AGBL4: variants seen among roughly 807,000 people sequenced by gnomAD.
AGBL4 encodes the protein AGBL carboxypeptidase 4, also known as cytosolic carboxypeptidase 6.
AGBL4 carries 58 observed loss-of-function variants against 66.4 expected under a neutral mutation model. That is an observed-to-expected ratio of 0.87 (90% CI 0.71 to 1.09). The LOEUF (loss-of-function observed/expected upper bound fraction) is 1.09, where lower values mean the gene tolerates loss of function less well. AGBL4 is among the 50% of genes least tolerant of loss of function. The pLI is 0.00. For synonymous variants in AGBL4, 234 were observed against 222.9 expected (o/e 1.05, Z -0.44); for missense variants, 579 against 631.0 (o/e 0.92, Z 0.88).
At chr1:48,705,879 C>T (rs1483760134) in intron 6 of AGBL4, among the ~76,000 whole-genome samples, 3 of 151,922 alleles carry the variant, frequency 2.0e-5, no homozygotes, top group Non-Finnish European at 4.4e-5. Flanking sequence ...CCTATTGCAC[C>T]CAACAAAACA....
intron 4 of AGBL4, among the ~76,000 whole-genome samples, chr1:49,058,893 C>T (rs1419656896): frequency 3.9e-5 from 6 of 152,150 alleles, no homozygotes; most frequent in Non-Finnish European, 8.8e-5. Context: ...GAATTTTGAA[C>T]TTGAGAGAGA....
At chr1:48,809,759 TA>T (rs1370744757) in intron 6 of AGBL4, among the ~76,000 whole-genome samples, 2 of 152,194 alleles carry the variant, frequency 1.3e-5, no homozygotes, top group Non-Finnish European at 2.9e-5. Flanking sequence ...GGGTCTGAGG[TA>T]ATTTCCAAAG....
chr1:49,107,690 TGTGTGAGA>T (rs762080953), intron 4 of AGBL4, among the ~76,000 whole-genome samples: 248 of 107,144 alleles, frequency 2.3e-3, no homozygotes, highest in African/African-American at 6.1e-3. Context: ...TGTGTGTGTG[TGTGTGAGA>T]GAGAGAGAGA....
chr1:49,383,694 T>C (rs1022985565), intron 3 of AGBL4, among the ~76,000 whole-genome samples: 7 of 152,070 alleles, frequency 4.6e-5, no homozygotes, highest in African/African-American at 1.7e-4. Flanking sequence ...ATAAAACTCC[T>C]AGAAAACATA....
At chr1:48,959,844 A>G (rs1347657217) in intron 5 of AGBL4, among the ~76,000 whole-genome samples, 1 of 152,194 alleles carries the variant, frequency 6.6e-6, no homozygotes, top group African/African-American at 2.4e-5. Context: ...GAATAGATCA[A>G]TGAGGTAGGA....
At chr1:48,832,712 T>C (rs575839278) in intron 6 of AGBL4, among the ~76,000 whole-genome samples, 4 of 152,304 alleles carry the variant, frequency 2.6e-5, no homozygotes, top group South Asian at 2.1e-4. Context: ...ATTCAATTAA[T>C]AGACTAAGTA....
intron 4 of AGBL4, among the ~76,000 whole-genome samples, chr1:49,173,749 A>C (rs1569934850): frequency 6.6e-6 from 1 of 152,192 alleles, no homozygotes; most frequent in East Asian, 1.9e-4. Context: ...CAGAGACTTC[A>C]GTGAAGTGGG....
chr1:48,806,619 T>C (rs1025688419), intron 6 of AGBL4, among the ~76,000 whole-genome samples: 5 of 152,192 alleles, frequency 3.3e-5, no homozygotes, highest in African/African-American at 1.2e-4. Context: ...ATAAGCCTGC[T>C]CTTTCTTTGT....
intron 2 of AGBL4, among the ~76,000 whole-genome samples, chr1:49,714,344 G>A (rs551590595): frequency 1.3e-4 from 19 of 151,630 alleles, no homozygotes; most frequent in South Asian, 8.3e-4. Flanking sequence ...ATTTTCTCTC[G>A]TCCCCCTCCA....
chr1:49,090,611 T>C (rs1404109767), intron 4 of AGBL4, among the ~76,000 whole-genome samples: 2 of 152,098 alleles, frequency 1.3e-5, no homozygotes, highest in East Asian at 3.8e-4. Context: ...AGATAAATAT[T>C]CCATGCTCAT....
In AGBL4 at chr1:48,910,189, A is replaced by T. The variant is rs370493079; in HGVS notation, c.595-42959T>A. Among the ~76,000 whole-genome samples, 14 of 152,352 alleles carry T rather than the reference A, an allele frequency of 9.2e-5. No homozygotes were observed. In the East Asian group the frequency reaches 1.9e-3, roughly 21 times the overall value. ...TAGTTTTCTGGATTCCACACAGATG[A>T]GGCTGACTGAAAGGCAACCCTGACT... On this transcript the variant is annotated intron_variant, in intron 5 of 13. Transcript: ENST00000371839.
chr1:49,860,551 T>C (rs774019684), intron 1 of AGBL4, among the ~76,000 whole-genome samples: 27 of 152,122 alleles, frequency 1.8e-4, no homozygotes, highest in Admixed American at 3.3e-4. Context: ...TTTTAAAAGT[T>C]AGCTGGCAGT....
chr1:49,582,606 C>G (rs1644565921), intron 3 of AGBL4, among the ~76,000 whole-genome samples: 1 of 152,300 alleles, frequency 6.6e-6, no homozygotes, highest in South Asian at 2.1e-4. Flanking sequence ...GCTCATGCCC[C>G]ACTCAAGCAT....
At chr1:48,962,525 T>C (rs1658084753) in intron 5 of AGBL4, among the ~76,000 whole-genome samples, 2 of 152,236 alleles carry the variant, frequency 1.3e-5, no homozygotes, top group African/African-American at 4.8e-5. Flanking sequence ...TTCATGTAAC[T>C]AGAGCAATTA....
chr1:49,327,992 A>C (rs2148486290), intron 3 of AGBL4, among the ~76,000 whole-genome samples: 1 of 152,292 alleles, frequency 6.6e-6, no homozygotes, highest in Middle Eastern at 3.4e-3. Context: ...TCCGTTTTGA[A>C]AAAGGAGACA....
At chr1:48,769,004 G>A (rs907862789) in intron 6 of AGBL4, among the ~76,000 whole-genome samples, 2 of 152,198 alleles carry the variant, frequency 1.3e-5, no homozygotes, top group African/African-American at 2.4e-5. Context: ...AAAGACATCA[G>A]GAGACACCAA....
chr1:49,666,186 T>C (rs1646363480), intron 3 of AGBL4, among the ~76,000 whole-genome samples: 1 of 151,982 alleles, frequency 6.6e-6, no homozygotes, highest in Non-Finnish European at 1.5e-5. Flanking sequence ...ACCCCTCTGC[T>C]CTCTATGTCT....
chr1:49,473,838 C>T (rs1646795208), intron 3 of AGBL4, among the ~76,000 whole-genome samples: 1 of 152,050 alleles, frequency 6.6e-6, no homozygotes, highest in South Asian at 2.1e-4. Context: ...CAATTTCACT[C>T]TGCTGTATGT....
At chr1:49,914,461 G>C (rs1327106006) in intron 1 of AGBL4, among the ~76,000 whole-genome samples, 1 of 152,140 alleles carries the variant, frequency 6.6e-6, no homozygotes, top group Non-Finnish European at 1.5e-5. Context: ...AGCCTTTGCT[G>C]TCTATATATC....
Sources: allele counts gnomAD v4.1 joint callset (sites outside exome capture counted in the v4.1 genomes callset), GRCh38; gene constraint gnomAD v4.1.1; transcripts MANE v1.5; gene names NCBI Gene and HGNC (gene_info 2026-07-23, HGNC 2026-07-21).